Variants in ZDHHC11B observed in about 807,000 individuals in gnomAD.
ZDHHC11B encodes zDHHC palmitoyltransferase 11B (putative).
In ZDHHC11B, 17 loss-of-function variants were observed where a neutral mutation model predicts 42.3. The observed-to-expected ratio is 0.40, with a 90% CI of 0.27 to 0.60. The LOEUF (loss-of-function observed/expected upper bound fraction) is 0.60, where lower values mean the gene tolerates loss of function less well. Ranked by LOEUF, ZDHHC11B falls within the 20% of genes least tolerant of loss-of-function variation. ZDHHC11B has a pLI of 0.41. For synonymous variants in ZDHHC11B, 123 were observed against 193.5 expected, an observed-to-expected ratio of 0.64 and a Z score of 3.02; for missense variants, 262 against 463.2, an observed-to-expected ratio of 0.57 and a Z score of 3.99.
chr5:713,419 C>T (rs1943769140), intron 13 of ZDHHC11B, among the ~76,000 whole-genome samples: 1 of 151,966 alleles, frequency 6.6e-6, no homozygotes, highest in Non-Finnish European at 1.5e-5. Flanking sequence ...TTTGGTCTGC[C>T]AAATTCAACA....
In ZDHHC11B at chr5:730,480, A is replaced by G. The variant is rs776258927; in HGVS notation, c.1024-12T>C. The G allele has an allele frequency of 1.3e-6, 2 of 1,556,400 alleles. No individual in the cohort carries two copies. The highest frequency in any genetic ancestry group is 1.7e-6 in the Non-Finnish European group (2 of 1,161,522). The stretch of plus-strand genomic sequence containing the variant: ...GCATCATCTGCTTCCTGTGGGGGGA[A>G]GGGAAGCAAAATTCTTAGGATGAAC... On this transcript the variant is annotated splice_polypyrimidine_tract_variant and intron_variant, in intron 11 of 13. Transcript: ENST00000508859.
intron 12 of ZDHHC11B, among the ~76,000 whole-genome samples, chr5:719,449 A>C (rs1421717928): frequency 6.6e-6 from 1 of 151,604 alleles, no homozygotes; most frequent in African/African-American, 2.4e-5. Context: ...ACATATGAGC[A>C]AATTAGATTA....
chr5:777,461 A>G (rs1736608716), intron 1 of ZDHHC11B, among the ~76,000 whole-genome samples: 1 of 95,004 alleles, frequency 1.1e-5, no homozygotes. Flanking sequence ...AGCTCACAAA[A>G]GCGGCGCGCA....
At chr5:715,311 C>T (rs1314678309) in intron 13 of ZDHHC11B, among the ~76,000 whole-genome samples, 4 of 150,346 alleles carry the variant, frequency 2.7e-5, no homozygotes, top group South Asian at 2.1e-4. Flanking sequence ...TTCGGCCAAG[C>T]GTCCAGCTCC....
intron 4 of ZDHHC11B, among the ~76,000 whole-genome samples, chr5:757,041 TG>T (rs1463112912): frequency 1.3e-5 from 2 of 151,796 alleles, no homozygotes; most frequent in African/African-American, 2.4e-5. Context: ...TCCCCGTGAC[TG>T]GAACGTCAGC....
intron 6 of ZDHHC11B, among the ~76,000 whole-genome samples, chr5:753,671 G>A (rs1400621646): frequency 6.7e-6 from 1 of 148,500 alleles, no homozygotes; most frequent in East Asian, 2.2e-4. Context: ...AGGGGAGGAG[G>A]CGGGTGGGTC....
At chr5:765,950 C>A (rs1735264969) in intron 4 of ZDHHC11B, among the ~76,000 whole-genome samples, 1 of 151,900 alleles carries the variant, frequency 6.6e-6, no homozygotes, top group Non-Finnish European at 1.5e-5. Flanking sequence ...TGAGAAATAA[C>A]ACATCCTACT....
intron 4 of ZDHHC11B, among the ~76,000 whole-genome samples, chr5:761,539 G>C (rs1734609006): frequency 6.6e-6 from 1 of 151,934 alleles, no homozygotes; most frequent in South Asian, 2.1e-4. Context: ...GCCTGGCAGA[G>C]AGAGGCCACT....
chr5:732,725 C>T lies in ZDHHC11B; in HGVS notation c.1023+1027G>A, dbSNP rs1158306319. On this transcript the variant is annotated intron_variant, in intron 11 of 13. Transcript: ENST00000508859. ...TCCAGAAACTGGCCCCCTCACAAAT[C>T]CTGCTCAAAAGGACCAGCCTGTGGC... The T allele has an allele frequency of 2.9e-5, 12 of 419,830 alleles. 1 individual carries two copies. The highest frequency in any genetic ancestry group is 5.2e-5 in the Non-Finnish European group (11 of 210,656). 26.0% of individuals were successfully genotyped at this position (419,830 alleles called of 1,614,324 possible). A position where few individuals can be genotyped will look rare whatever the true frequency, so the allele number is the denominator to read the frequency against.
At chr5:778,395 G>T (rs1265149214) in intron 1 of ZDHHC11B, among the ~76,000 whole-genome samples, 1 of 150,656 alleles carries the variant, frequency 6.6e-6, no homozygotes, top group African/African-American at 2.4e-5. Context: ...AGAGGACACA[G>T]CCGCGGCTCT....
rs573660350 is a variant in ZDHHC11B, at chr5:756,801, T to C, written c.223-657A>G. ...AGCTGCACAACCTACCCGCTCCCTCTAGACCCCAGACGGCTCACTGACGGA... is the reference window on the plus strand; with the variant it reads ...AGCTGCACAACCTACCCGCTCCCTCCAGACCCCAGACGGCTCACTGACGGA... On this transcript the variant is annotated intron_variant, in intron 4 of 13. Coordinates refer to ENST00000508859, the MANE Select transcript of ZDHHC11B (RefSeq NM_001351303.2). 2.6e-5 allele frequency among the ~76,000 whole-genome samples: 4 copies of C among 151,742 alleles called. No individual in the cohort carries two copies. The East Asian group carries it at 7.7e-4, about 29-fold the overall frequency.
At chr5:728,979 C>T (rs1469029956) in intron 12 of ZDHHC11B, among the ~76,000 whole-genome samples, 1 of 147,468 alleles carries the variant, frequency 6.8e-6, no homozygotes, top group Non-Finnish European at 1.5e-5. Flanking sequence ...TGCCACTGCA[C>T]TGCAGCCTGG....
intron 4 of ZDHHC11B, among the ~76,000 whole-genome samples, chr5:765,842 C>T (rs372855095): frequency 3.5e-4 from 53 of 152,026 alleles, no homozygotes; most frequent in South Asian, 2.7e-3. Context: ...GTAACACTCA[C>T]CGCGAGGGTC....
At chr5:758,384 C>T (rs558890915) in intron 4 of ZDHHC11B, among the ~76,000 whole-genome samples, 8 of 152,048 alleles carry the variant, frequency 5.3e-5, no homozygotes, top group South Asian at 2.1e-4. Context: ...TCGCCACATC[C>T]GACTGCAGCC....
At chr5:777,464 G>T (rs748309818) in intron 1 of ZDHHC11B, among the ~76,000 whole-genome samples, 7 of 93,870 alleles carry the variant, frequency 7.5e-5, no homozygotes, top group Non-Finnish European at 1.6e-4. Context: ...TCACAAAAGC[G>T]GCGCGCACCC....
chr5:751,381 GC>G (rs1745651261), intron 6 of ZDHHC11B, 124 bp from the exon 7 acceptor site: 1 of 84,346 alleles, frequency 1.2e-5, no homozygotes, highest in African/African-American at 3.1e-5. Context: ...GGCGTGGGGG[GC>G]ACAGCGGCAG....
chr5:766,314 G>A (rs1413159955), intron 4 of ZDHHC11B, among the ~76,000 whole-genome samples: 2 of 151,896 alleles, frequency 1.3e-5, no homozygotes, highest in South Asian at 2.1e-4. Context: ...CCTGCCGCTG[G>A]AAGATGGGAG....
chr5:757,176 G>A (rs1158739904), intron 4 of ZDHHC11B, among the ~76,000 whole-genome samples: 15 of 152,002 alleles, frequency 9.9e-5, no homozygotes, highest in African/African-American at 2.7e-4. Flanking sequence ...CTCCTGGACC[G>A]CCTTCTAGCC....
chr5:756,540 C>T (rs1733875629), intron 4 of ZDHHC11B, among the ~76,000 whole-genome samples: 1 of 151,708 alleles, frequency 6.6e-6, no homozygotes, highest in South Asian at 2.1e-4. Context: ...GGCAAATCCC[C>T]CACAGAATGT....
Sources: allele counts gnomAD v4.1 joint callset (sites outside exome capture counted in the v4.1 genomes callset), GRCh38; gene constraint gnomAD v4.1.1; transcripts MANE v1.5; gene names NCBI Gene and HGNC (gene_info 2026-07-23, HGNC 2026-07-21).